EFHD1: variants seen among roughly 807,000 people sequenced by gnomAD.
EFHD1 encodes the protein EF-hand domain-containing protein D1.
EFHD1 carries 10 observed loss-of-function variants against 17.2 expected under a neutral mutation model. The ratio of observed to expected loss-of-function variants is 0.58; its 90% confidence interval spans 0.36 to 0.99. The LOEUF (loss-of-function observed/expected upper bound fraction) is 0.99. Among genes scored for constraint, EFHD1 ranks in the 50% least tolerant of loss-of-function variants. The probability of loss-of-function intolerance (pLI) is 0.01; values close to 1 mark genes in which losing one functional copy is unlikely to be tolerated. For synonymous variants in EFHD1, 153 were observed against 142.0 expected, an observed-to-expected ratio of 1.08 and a Z score of -0.55; for missense variants, 310 against 327.5, an observed-to-expected ratio of 0.95 and a Z score of 0.41.
chr2:232,656,116 C>T (rs1219171914), intron 1 of EFHD1, among the ~76,000 whole-genome samples: 1 of 152,034 alleles, frequency 6.6e-6, no homozygotes, highest in Non-Finnish European at 1.5e-5. Context: ...TGTGTGGGGT[C>T]TTAAGTCCAT....
intron 1 of EFHD1, among the ~76,000 whole-genome samples, chr2:232,654,073 G>C (rs988356955): frequency 6.6e-6 from 1 of 151,900 alleles, no homozygotes; most frequent in African/African-American, 2.4e-5. Context: ...TGGGTGTGGT[G>C]GTGGGCACCT....
chr2:232,661,877 G>A (rs796823719), intron 1 of EFHD1: 13 of 152,072 alleles, frequency 8.5e-5, no homozygotes, highest in African/African-American at 3.1e-4. Flanking sequence ...ACCCCGTTTC[G>A]TTTCTCCTTT....
chr2:232,659,050 G>C (rs1280356319), intron 1 of EFHD1, among the ~76,000 whole-genome samples: 1 of 151,862 alleles, frequency 6.6e-6, no homozygotes, highest in African/African-American at 2.4e-5. Context: ...TCCTGGGCTG[G>C]TGCATCTGTG....
chr2:232,679,290 T>C, intron 3 of EFHD1, among the ~76,000 whole-genome samples: 1 of 152,078 alleles, frequency 6.6e-6, no homozygotes, highest in Non-Finnish European at 1.5e-5. Context: ...TCGTCCCAAA[T>C]GCCTTAAAGT....
chr2:232,644,834 G>A (rs1402063085), intron 1 of EFHD1, among the ~76,000 whole-genome samples: 2 of 142,184 alleles, frequency 1.4e-5, no homozygotes, highest in East Asian at 2.0e-4. Context: ...TGGAGACGGG[G>A]TTTCTCCATG....
chr2:232,644,677 T>G (rs1694494643), intron 1 of EFHD1, among the ~76,000 whole-genome samples: 1 of 151,660 alleles, frequency 6.6e-6, no homozygotes, highest in South Asian at 2.1e-4. Flanking sequence ...GCCCGGCTAA[T>G]TTTTTGTATT....
At chr2:232,662,225 G>A (rs1316817231) in intron 1 of EFHD1, among the ~76,000 whole-genome samples, 2 of 152,098 alleles carry the variant, frequency 1.3e-5, no homozygotes, top group Non-Finnish European at 2.9e-5. Flanking sequence ...TGGTAGACAC[G>A]GCCGTTCAGA....
intron 2 of EFHD1, among the ~76,000 whole-genome samples, chr2:232,668,829 T>C (rs1695014201): frequency 6.6e-6 from 1 of 152,062 alleles, no homozygotes; most frequent in Non-Finnish European, 1.5e-5. Flanking sequence ...AGATGGGGTT[T>C]CACCATGTTG....
At chr2:232,621,212 T>C (rs1386292344) in intron 1 of EFHD1, among the ~76,000 whole-genome samples, 1 of 152,128 alleles carries the variant, frequency 6.6e-6, no homozygotes, top group Non-Finnish European at 1.5e-5. Context: ...GTGAAGGCTG[T>C]AAGGCGCTCC....
At chr2:232,651,682 C>T (rs1228148736) in intron 1 of EFHD1, among the ~76,000 whole-genome samples, 11 of 152,136 alleles carry the variant, frequency 7.2e-5, no homozygotes, top group Non-Finnish European at 1.2e-4. Context: ...ATTAGCTAGG[C>T]GTGGTGGCAG....
chr2:232,681,797 T>A lies in EFHD1; in HGVS notation c.*78T>A. 1 of 1,534,036 alleles carries A rather than the reference T, an allele frequency of 6.5e-7. No homozygotes were observed. Among genetic ancestry groups the A allele is most frequent in the South Asian group, 1.3e-5 (1 of 79,282 alleles). On this transcript the variant is annotated 3_prime_UTR_variant, in exon 4 of 4. Transcript: ENST00000264059. ...AGAGATGACTAGGCATCTTCATCAC[T>A]GCTGTCGGTCCCCTCCCTGAGCCAG...
At chr2:232,664,317 T>C (rs1559353668) in intron 2 of EFHD1, among the ~76,000 whole-genome samples, 1 of 151,334 alleles carries the variant, frequency 6.6e-6, no homozygotes, top group East Asian at 2.0e-4. Context: ...TGAAAAAATT[T>C]TTTTGTAGAG....
chr2:232,644,552 G>A (rs146365593), intron 1 of EFHD1, among the ~76,000 whole-genome samples: 248 of 150,858 alleles, frequency 1.6e-3, no homozygotes, highest in African/African-American at 5.8e-3. Flanking sequence ...TCACTCTGTC[G>A]CCCAGGCTGG....
chr2:232,655,267 G>C (rs1261572548), intron 1 of EFHD1, among the ~76,000 whole-genome samples: 1 of 152,114 alleles, frequency 6.6e-6, no homozygotes, highest in East Asian at 1.9e-4. Flanking sequence ...CAGTCCTCCT[G>C]CCTCAGCCTC....
chr2:232,633,672 TC>T lies in EFHD1; in HGVS notation c.-29del, dbSNP rs1040994808. ...CCAGCTCCCTGCGTCCCGTCCCGCG[TC>T]CCCGCGTTCCCGCGTCCTGCGATCC... On this transcript the variant is annotated 5_prime_UTR_variant, in exon 1 of 4. Coordinates refer to ENST00000264059, the MANE Select transcript of EFHD1 (RefSeq NM_025202.4). 2.1e-6 allele frequency: 3 copies of T among 1,400,076 alleles called. No individual in the cohort carries two copies. The highest frequency in any genetic ancestry group is 3.5e-5 in the Admixed American group (1 of 28,644). 86.7% of individuals were successfully genotyped at this position (1,400,076 alleles called of 1,614,324 possible). A position where few individuals can be genotyped will look rare whatever the true frequency, so the allele number is the denominator to read the frequency against.
At chr2:232,652,678 C>T (rs918690844) in intron 1 of EFHD1, among the ~76,000 whole-genome samples, 4 of 152,206 alleles carry the variant, frequency 2.6e-5, no homozygotes, top group Middle Eastern at 3.4e-3. Flanking sequence ...GACAATGCCT[C>T]GTGAACTGCA....
At chr2:232,672,905 T>G (rs1182777536) in intron 3 of EFHD1, among the ~76,000 whole-genome samples, 1 of 152,098 alleles carries the variant, frequency 6.6e-6, no homozygotes, top group Non-Finnish European at 1.5e-5. Flanking sequence ...CTTACTTCTC[T>G]TTGAGGCTGC....
At chr2:232,608,423 T>G (rs866369771) in intron 1 of EFHD1, among the ~76,000 whole-genome samples, 26 of 152,346 alleles carry the variant, frequency 1.7e-4, no homozygotes, top group African/African-American at 6.0e-4. Context: ...ACTTAAATCA[T>G]CTTTAGATTA....
At chr2:232,622,810 C>T (rs989851251) in intron 1 of EFHD1, among the ~76,000 whole-genome samples, 9 of 152,016 alleles carry the variant, frequency 5.9e-5, no homozygotes, top group African/African-American at 2.2e-4. Context: ...TGTGGCCAGT[C>T]TGATTGAGAT....
Sources: gnomAD v4.1 joint callset for allele counts (sites outside exome capture counted in the v4.1 genomes callset) on GRCh38, gnomAD v4.1.1 for gene constraint, MANE v1.5 for transcripts, NCBI Gene and HGNC (gene_info 2026-07-23, HGNC 2026-07-21) for gene names.